PLA2G4A: variants seen among roughly 807,000 people sequenced by gnomAD.
PLA2G4A encodes cytosolic phospholipase A2.
A neutral mutation model predicts 81.9 loss-of-function variants in PLA2G4A; 40 were observed. The observed-to-expected ratio is 0.49, with a 90% CI of 0.38 to 0.64. The LOEUF (loss-of-function observed/expected upper bound fraction) is 0.64. PLA2G4A is among the 30% of genes least tolerant of loss of function. The pLI is 0.00. For synonymous variants in PLA2G4A, 302 were observed against 296.9 expected, an observed-to-expected ratio of 1.02 and a Z score of -0.18; for missense variants, 715 against 905.1, an observed-to-expected ratio of 0.79 and a Z score of 2.69.
Position 186,911,235 on chromosome 1 carries a change from T to G in PLA2G4A, c.417-13T>G, listed in dbSNP as rs1654929039. ...GAGCACTGGCTCATGACTTTATCTG[T>G]TTGGTATTACAGCTCATGCCCAGAC... On this transcript the variant is annotated splice_polypyrimidine_tract_variant and intron_variant, in intron 6 of 17. Coordinates refer to ENST00000367466, the MANE Select transcript of PLA2G4A (RefSeq NM_024420.3). 1.2e-6 allele frequency: 2 copies of G among 1,612,196 alleles called. No individual in the cohort carries two copies. Among genetic ancestry groups the G allele is most frequent in the Non-Finnish European group, 8.5e-7 (1 of 1,178,416 alleles).
chr1:186,981,864 T>C (rs1557903127), intron 17 of PLA2G4A, among the ~76,000 whole-genome samples: 2 of 142,052 alleles, frequency 1.4e-5, no homozygotes, highest in Non-Finnish European at 3.0e-5. Flanking sequence ...TTAGAAGACT[T>C]ACTTTACCAA....
At chr1:186,877,731 A>G (rs1039396852) in intron 3 of PLA2G4A, among the ~76,000 whole-genome samples, 4 of 126,360 alleles carry the variant, frequency 3.2e-5, no homozygotes, top group Non-Finnish European at 6.9e-5. Context: ...AAAAAAAAAA[A>G]AAGAAGCTTA....
chr1:186,983,232 C>T (rs1219078740), intron 17 of PLA2G4A, among the ~76,000 whole-genome samples: 2 of 152,108 alleles, frequency 1.3e-5, no homozygotes, highest in Non-Finnish European at 2.9e-5. Context: ...AGTAGGGTAC[C>T]GATTCACACT....
chr1:186,948,573 G>A (rs1170730157), intron 12 of PLA2G4A, among the ~76,000 whole-genome samples: 1 of 151,808 alleles, frequency 6.6e-6, no homozygotes, highest in Non-Finnish European at 1.5e-5. Context: ...TGCTTCCTGT[G>A]CCCCTCTGTT....
intron 7 of PLA2G4A, among the ~76,000 whole-genome samples, chr1:186,920,718 C>A (rs1471722792): frequency 6.6e-6 from 1 of 152,198 alleles, no homozygotes; most frequent in Non-Finnish European, 1.5e-5. Flanking sequence ...TCCCAGAACC[C>A]CCCTTTTCCT....
chr1:186,908,773 C>T (rs1654828434), intron 6 of PLA2G4A, among the ~76,000 whole-genome samples: 1 of 151,416 alleles, frequency 6.6e-6, no homozygotes, highest in African/African-American at 2.4e-5. Context: ...AAATAATTTG[C>T]ACTAATTACT....
chr1:186,904,950 G>A (rs1407253506), intron 5 of PLA2G4A, among the ~76,000 whole-genome samples: 1 of 152,088 alleles, frequency 6.6e-6, no homozygotes. Flanking sequence ...CGCCTGCTGG[G>A]TTCAAGTGAT....
chr1:186,965,758 T>G (rs959143594), intron 15 of PLA2G4A, among the ~76,000 whole-genome samples, 165 bp downstream of exon 15: 1 of 152,186 alleles, frequency 6.6e-6, no homozygotes, highest in Admixed American at 6.5e-5. Context: ...GTCTCCTGCT[T>G]AAAGACACTT....
At chr1:186,864,710 C>CTAT (rs2102048225) in intron 2 of PLA2G4A, among the ~76,000 whole-genome samples, 1 of 149,726 alleles carries the variant, frequency 6.7e-6, no homozygotes, top group East Asian at 2.0e-4. Flanking sequence ...TTCTGGATAC[C>CTAT]AGTCCCTATA....
intron 17 of PLA2G4A, among the ~76,000 whole-genome samples, chr1:186,981,921 G>C (rs145872716): frequency 6.6e-6 from 1 of 152,132 alleles, no homozygotes; most frequent in Admixed American, 6.5e-5. Flanking sequence ...CATTGTCCAA[G>C]GACAGACAGT....
At chr1:186,899,311 A>G (rs962794168) in intron 5 of PLA2G4A, among the ~76,000 whole-genome samples, 1 of 152,136 alleles carries the variant, frequency 6.6e-6, no homozygotes, top group African/African-American at 2.4e-5. Flanking sequence ...GCACAAAGAA[A>G]GACTGGGAGG....
Position 186,979,480 on chromosome 1 carries a change from T to C in PLA2G4A, c.2118+8T>C. ...ACTCTGAACAACATTGATGTAAGTA[T>C]CTCCTATGGCCATTGACTATGTCAA... On this transcript the variant is annotated splice_region_variant and intron_variant, in intron 17 of 17. Coordinates refer to ENST00000367466, the MANE Select transcript of PLA2G4A (RefSeq NM_024420.3). 1.3e-6 allele frequency: 2 copies of C among 1,548,322 alleles called. No homozygotes were observed. The highest frequency in any genetic ancestry group is 1.8e-6 in the Non-Finnish European group (2 of 1,120,068).
chr1:186,926,293 G>T (rs1049669153), intron 7 of PLA2G4A, among the ~76,000 whole-genome samples: 2 of 152,278 alleles, frequency 1.3e-5, no homozygotes, highest in Admixed American at 1.3e-4. Context: ...AACAGATGGG[G>T]AATGAGGTAA....
At chr1:186,953,310 A>G (rs1656628712) in intron 13 of PLA2G4A, among the ~76,000 whole-genome samples, 1 of 152,184 alleles carries the variant, frequency 6.6e-6, no homozygotes. Flanking sequence ...GCATTTCTCA[A>G]ATGACATTTA....
In PLA2G4A at chr1:186,833,209, T is replaced by C. The variant is rs145710894; in HGVS notation, c.-70+4174T>C. Among the ~76,000 whole-genome samples the C allele has an allele frequency of 2.7e-3, 406 of 152,220 alleles. 1 individual carries two copies. Among genetic ancestry groups the C allele is most frequent in the African/African-American group, 9.2e-3 (384 of 41,532 alleles). Reference sequence around the variant, plus strand: ...TTTGAGACCAGCCTGGTCAACATAGTGAGATTAATTAAAATCTTATTAAAA... The same window carrying C: ...TTTGAGACCAGCCTGGTCAACATAGCGAGATTAATTAAAATCTTATTAAAA... On this transcript the variant is annotated intron_variant, in intron 1 of 17. Transcript: ENST00000367466.
rs58954006 is a variant in PLA2G4A at position 186,877,705 on chromosome 1, C to CAAAAA, written c.115+7213_115+7217dup. 2.5e-3 allele frequency among the ~76,000 whole-genome samples: 213 copies of CAAAAA among 86,920 alleles called. 9 individuals carry two copies. The highest frequency in any genetic ancestry group is 5.4e-3 in the African/African-American group (120 of 22,394). The allele number at this position is 86,920 out of a possible 152,430, so 57.0% of individuals were successfully genotyped here. ...AAGACTAAGGCCTGAGGCTTACTCA[C>CAAAAA]AAAAAAAAAAAAAAAAAAAAAAAAA... On this transcript the variant is annotated intron_variant, in intron 3 of 17. Coordinates refer to ENST00000367466, the MANE Select transcript of PLA2G4A (RefSeq NM_024420.3).
At chr1:186,983,338 T>C (rs972734288) in intron 17 of PLA2G4A, among the ~76,000 whole-genome samples, 1 of 152,168 alleles carries the variant, frequency 6.6e-6, no homozygotes, top group Non-Finnish European at 1.5e-5. Flanking sequence ...AATGCAAAGT[T>C]ACCTCTCTGC....
At chr1:186,858,281 T>A (rs1652666365) in intron 2 of PLA2G4A, among the ~76,000 whole-genome samples, 2 of 152,050 alleles carry the variant, frequency 1.3e-5, no homozygotes, top group African/African-American at 4.8e-5. Context: ...GTTTCCTGAG[T>A]TTTTTATGAT....
intron 13 of PLA2G4A, among the ~76,000 whole-genome samples, chr1:186,953,583 T>A (rs974116012): frequency 6.6e-6 from 1 of 152,232 alleles, no homozygotes; most frequent in African/African-American, 2.4e-5. Context: ...TTAGGCATTT[T>A]CAGCTTTAGT....
Sources: allele counts gnomAD v4.1 joint callset (sites outside exome capture counted in the v4.1 genomes callset), GRCh38; gene constraint gnomAD v4.1.1; transcripts MANE v1.5; gene names NCBI Gene and HGNC (gene_info 2026-07-23, HGNC 2026-07-21).